The following ZC3H3 variants were observed in gnomAD, a reference collection of about 807,000 sequenced individuals.
ZC3H3 encodes the protein zinc finger CCCH-type containing 3.
ZC3H3 carries 36 observed loss-of-function variants against 77.3 expected under a neutral mutation model. The ratio of observed to expected loss-of-function variants is 0.47; its 90% CI spans 0.36 to 0.61. The LOEUF (loss-of-function observed/expected upper bound fraction) is 0.61. Among genes scored for constraint, ZC3H3 ranks in the 20% least tolerant of loss-of-function variants. The probability of loss-of-function intolerance (pLI) is 0.00; values close to 1 mark genes in which losing one functional copy is unlikely to be tolerated. For synonymous variants in ZC3H3, 626 were observed against 555.2 expected (o/e 1.13, Z -1.79); for missense variants, 1,331 against 1,312.2 (o/e 1.01, Z -0.22).
intron 5 of ZC3H3, 142 bp from the exon 6 acceptor site, chr8:143,468,801 C>T (rs1253358226): frequency 8.9e-7 from 1 of 1,118,720 alleles, no homozygotes; most frequent in Non-Finnish European, 1.2e-6. Context: ...CTGCCCAGAG[C>T]TCCCCTCCCC....
At chr8:143,514,083 C>T (rs1036500580) in intron 3 of ZC3H3, among the ~76,000 whole-genome samples, 1 of 152,312 alleles carries the variant, frequency 6.6e-6, no homozygotes, top group Non-Finnish European at 1.5e-5. Flanking sequence ...CACGCTAGGT[C>T]CTGAAGGTGG....
chr8:143,448,775 G>A (rs1367018523), intron 9 of ZC3H3, among the ~76,000 whole-genome samples: 22 of 152,226 alleles, frequency 1.4e-4, no homozygotes, highest in Admixed American at 1.0e-3. Context: ...CTCTGCGTGG[G>A]GGCTCCAATG....
At chr8:143,512,465 C>T (rs1821900627) in intron 3 of ZC3H3, among the ~76,000 whole-genome samples, 1 of 152,266 alleles carries the variant, frequency 6.6e-6, no homozygotes, top group Non-Finnish European at 1.5e-5. Flanking sequence ...TGAGGCGGTG[C>T]CAACTCTGTG....
At chr8:143,486,288 T>A (rs915926125) in intron 4 of ZC3H3, among the ~76,000 whole-genome samples, 1 of 152,204 alleles carries the variant, frequency 6.6e-6, no homozygotes, top group Admixed American at 6.5e-5. Context: ...GCTGCTGCCA[T>A]GGAATGCTCT....
chr8:143,479,456 C>T (rs897979847), intron 4 of ZC3H3, among the ~76,000 whole-genome samples: 1 of 152,198 alleles, frequency 6.6e-6, no homozygotes, highest in Non-Finnish European at 1.5e-5. Context: ...TTTTCCGCAA[C>T]GGGAGCTGCA....
chr8:143,439,556 G>T (rs1250023541), intron 11 of ZC3H3, among the ~76,000 whole-genome samples: 1 of 152,196 alleles, frequency 6.6e-6, no homozygotes, highest in African/African-American at 2.4e-5. Context: ...GGGGGAGAGG[G>T]AACATCTGTT....
intron 3 of ZC3H3, among the ~76,000 whole-genome samples, chr8:143,516,898 C>T (rs986343294): frequency 2.0e-5 from 3 of 152,232 alleles, no homozygotes; most frequent in Non-Finnish European, 4.4e-5. Context: ...AGCAGCCATC[C>T]GCAGTGCAGT....
intron 5 of ZC3H3, among the ~76,000 whole-genome samples, chr8:143,472,619 G>A (rs775289484): frequency 2.6e-5 from 4 of 152,320 alleles, no homozygotes; most frequent in East Asian, 1.9e-4. Context: ...TGCCACAGGC[G>A]TCTCTGTGGA....
At chr8:143,442,622 G>A (rs974294225) in intron 9 of ZC3H3, among the ~76,000 whole-genome samples, 5 of 152,228 alleles carry the variant, frequency 3.3e-5, no homozygotes, top group Non-Finnish European at 7.3e-5. Context: ...CCCAGCAACG[G>A]CTGGTGGGCA....
At position 143,470,942 on chromosome 8, in the gene ZC3H3, A is replaced by G. The variant is rs1415489151; in HGVS notation, c.1904-2283T>C. On this transcript the variant is annotated intron_variant, in intron 5 of 11. Transcript: ENST00000262577. ...TTCACTTCCCCGGGATCTTCTCAGA[A>G]TAGACTCGGCTCCCACCAGCCCCAC... Among the ~76,000 whole-genome samples, 3 of 152,296 alleles carry G rather than the reference A, an allele frequency of 2.0e-5. No homozygotes were observed. In the East Asian group the frequency reaches 5.8e-4, roughly 29 times the overall value.
chr8:143,497,144 G>A (rs375265782), intron 4 of ZC3H3, among the ~76,000 whole-genome samples: 10 of 152,348 alleles, frequency 6.6e-5, no homozygotes, highest in African/African-American at 2.2e-4. Context: ...TTCTGTAAAA[G>A]TATATCAAAA....
intron 3 of ZC3H3, among the ~76,000 whole-genome samples, chr8:143,525,312 G>A (rs1347857130): frequency 3.3e-5 from 5 of 152,274 alleles, no homozygotes; most frequent in Non-Finnish European, 2.9e-5. Flanking sequence ...CAGGCGAGGG[G>A]ACCAGAAAGG....
At chr8:143,516,579 A>ACACACACACTCT (rs1554645654) in intron 3 of ZC3H3, among the ~76,000 whole-genome samples, 2 of 145,568 alleles carry the variant, frequency 1.4e-5, no homozygotes, top group African/African-American at 5.2e-5. Context: ...ACACACACAC[A>ACACACACACTCT]CTCACTCTCA....
At position 143,529,055 on chromosome 8, in the gene ZC3H3, C is replaced by T. The variant is rs1044302624; in HGVS notation, c.1561+7202G>A. On this transcript the variant is annotated intron_variant, in intron 3 of 11. Transcript: ENST00000262577. ...GGAGCTGGCCTGGCAGAATGGACCA[C>T]GGCCCACCTCACAGACTCCCGAATG... Among the ~76,000 whole-genome samples the T allele has an allele frequency of 5.3e-5, 8 of 152,348 alleles. No homozygotes were observed. In the East Asian group the frequency reaches 9.6e-4, roughly 18 times the overall value.
At chr8:143,531,913 G>A (rs1161112817) in intron 3 of ZC3H3, among the ~76,000 whole-genome samples, 4 of 152,222 alleles carry the variant, frequency 2.6e-5, no homozygotes, top group Non-Finnish European at 5.9e-5. Context: ...AAGAAAAAGA[G>A]GAGAAATGGC....
chr8:143,536,643 C>G (rs995855414), intron 2 of ZC3H3, among the ~76,000 whole-genome samples, 190 bp from the exon 3 acceptor site: 1 of 152,186 alleles, frequency 6.6e-6, no homozygotes, highest in African/African-American at 2.4e-5. Flanking sequence ...CAGGCTGAGG[C>G]GGCAGGCTTG....
At chr8:143,517,931 G>C (rs1822113513) in intron 3 of ZC3H3, among the ~76,000 whole-genome samples, 1 of 152,240 alleles carries the variant, frequency 6.6e-6, no homozygotes, top group Non-Finnish European at 1.5e-5. Flanking sequence ...GGACAGACCT[G>C]CTCGGGGCCA....
chr8:143,496,466 G>A (rs760900694), intron 4 of ZC3H3, among the ~76,000 whole-genome samples: 2 of 152,210 alleles, frequency 1.3e-5, no homozygotes, highest in East Asian at 1.9e-4. Flanking sequence ...AGCCTCAAGC[G>A]GCTTCCACCA....
At chr8:143,471,108 T>A (rs1820549799) in intron 5 of ZC3H3, among the ~76,000 whole-genome samples, 1 of 152,216 alleles carries the variant, frequency 6.6e-6, no homozygotes. Flanking sequence ...GGACAGCTGC[T>A]GCCTGGCCCA....
Sources: gnomAD v4.1 joint callset for allele counts (sites outside exome capture counted in the v4.1 genomes callset) on GRCh38, gnomAD v4.1.1 for gene constraint, MANE v1.5 for transcripts, NCBI Gene and HGNC (gene_info 2026-07-23, HGNC 2026-07-21) for gene names.